Variants in PRKCB observed in about 807,000 individuals in gnomAD.
PRKCB encodes the protein protein kinase C beta type.
PRKCB carries 13 observed loss-of-function variants against 81.5 expected under a neutral mutation model. That is an observed-to-expected ratio of 0.16 (90% CI 0.10 to 0.25). The LOEUF (loss-of-function observed/expected upper bound fraction) is 0.25, where lower values mean the gene tolerates loss of function less well. Among genes scored for constraint, PRKCB ranks in the 10% least tolerant of loss-of-function variants. PRKCB has a pLI of 1.00. For synonymous variants in PRKCB, 335 were observed against 321.4 expected, an observed-to-expected ratio of 1.04 and a Z score of -0.45; for missense variants, 509 against 875.7, an observed-to-expected ratio of 0.58 and a Z score of 5.29.
chr16:24,002,867 TGA>T (rs1965057795), intron 3 of PRKCB, among the ~76,000 whole-genome samples: 1 of 152,168 alleles, frequency 6.6e-6, no homozygotes, highest in Admixed American at 6.5e-5. Flanking sequence ...CTGCTTTCTC[TGA>T]GAGACTAAGC....
intron 2 of PRKCB, among the ~76,000 whole-genome samples, chr16:23,864,349 T>G (rs1282996242): frequency 6.6e-6 from 1 of 152,130 alleles, no homozygotes; most frequent in Non-Finnish European, 1.5e-5. Context: ...CCCAGTCTTT[T>G]GGGAAGCTGA....
At chr16:24,105,742 T>C (rs1298294829) in intron 7 of PRKCB, among the ~76,000 whole-genome samples, 3 of 150,144 alleles carry the variant, frequency 2.0e-5, no homozygotes, top group Admixed American at 6.6e-5. Flanking sequence ...TTCCATGGTG[T>C]ATATATGCCA....
At chr16:23,975,863 C>T (rs1456591641) in intron 2 of PRKCB, among the ~76,000 whole-genome samples, 1 of 151,636 alleles carries the variant, frequency 6.6e-6, no homozygotes, top group African/African-American at 2.4e-5. Flanking sequence ...TCACAAGAGA[C>T]AAAAAAAACA....
intron 2 of PRKCB, among the ~76,000 whole-genome samples, chr16:23,863,255 T>TATAC (rs71381622): frequency 1.5e-5 from 2 of 132,826 alleles, no homozygotes; most frequent in Non-Finnish European, 3.2e-5. Flanking sequence ...TATATACACA[T>TATAC]ACACACACAC....
At chr16:24,001,333 G>T (rs1965031845) in intron 3 of PRKCB, among the ~76,000 whole-genome samples, 1 of 152,108 alleles carries the variant, frequency 6.6e-6, no homozygotes, top group African/African-American at 2.4e-5. Flanking sequence ...TAGGTCCTGT[G>T]ATCTCCTAAT....
At chr16:24,069,014 TATA>T (rs1270092328) in intron 5 of PRKCB, among the ~76,000 whole-genome samples, 1 of 152,218 alleles carries the variant, frequency 6.6e-6, no homozygotes, top group South Asian at 2.1e-4. Flanking sequence ...TCTATTAATT[TATA>T]ATGATTGTAA....
intron 10 of PRKCB, among the ~76,000 whole-genome samples, chr16:24,159,581 C>T (rs1480479359): frequency 7.0e-6 from 1 of 143,516 alleles, no homozygotes; most frequent in Admixed American, 6.7e-5. Context: ...CACTGTCACA[C>T]AGCTGCTAAG....
chr16:24,219,086 C>G lies in PRKCB; in HGVS notation c.*4270C>G. ...TGCAAGGACCCTGAAGAGGTCGGAG[C>G]ATCATACAGATTCCTTTATTAGCCC... On this transcript the variant is annotated 3_prime_UTR_variant, in exon 17 of 17. Coordinates refer to ENST00000643927, the MANE Select transcript of PRKCB (RefSeq NM_002738.7). 1 of 985,404 alleles carries G rather than the reference C, an allele frequency of 1.0e-6. No individual in the cohort carries two copies. Among genetic ancestry groups the G allele is most frequent in the Non-Finnish European group, 1.2e-6 (1 of 829,962 alleles). 61.0% of individuals were successfully genotyped at this position (985,404 alleles called of 1,614,324 possible). A position where few individuals can be genotyped will look rare whatever the true frequency, so the allele number is the denominator to read the frequency against.
intron 5 of PRKCB, among the ~76,000 whole-genome samples, chr16:24,069,442 T>A (rs1457496769): frequency 1.3e-5 from 2 of 152,014 alleles, no homozygotes; most frequent in Admixed American, 1.3e-4. Context: ...GTGTATAGAG[T>A]GCTTAAAACA....
intron 5 of PRKCB, among the ~76,000 whole-genome samples, chr16:24,066,859 GTTATT>G (rs1234377586): frequency 6.6e-6 from 1 of 152,132 alleles, no homozygotes; most frequent in Non-Finnish European, 1.5e-5. Flanking sequence ...GCTTTATTTA[GTTATT>G]TTGAGACAAG....
chr16:24,181,628 G>A (rs1389508154), intron 13 of PRKCB, among the ~76,000 whole-genome samples: 56 of 151,890 alleles, frequency 3.7e-4, no homozygotes, highest in Admixed American at 3.7e-3. Context: ...TTAGCCGGGT[G>A]TGGTGGCACA....
In PRKCB at chr16:24,180,781, C is replaced by A; in HGVS notation, c.1395-9C>A. The A allele has an allele frequency of 1.2e-6, 2 of 1,613,012 alleles. No individual in the cohort carries two copies. The highest frequency in any genetic ancestry group is 1.7e-6 in the Non-Finnish European group (2 of 1,179,376). On this transcript the variant is annotated splice_polypyrimidine_tract_variant and intron_variant, in intron 12 of 16. Coordinates refer to ENST00000643927, the MANE Select transcript of PRKCB (RefSeq NM_002738.7). ...TAATTAAATCTCTAAATTCTTGTGT[C>A]TGCCATAGTGACCTAAAACTTGACA... is the stretch of plus-strand genomic sequence containing the variant.
chr16:24,162,431 A>C (rs1039347255), intron 10 of PRKCB, among the ~76,000 whole-genome samples: 16 of 150,948 alleles, frequency 1.1e-4, no homozygotes, highest in African/African-American at 3.9e-4. Flanking sequence ...GCTCCAAAAA[A>C]ACAGAGAAGA....
At chr16:24,053,541 A>G (rs1342515759) in intron 5 of PRKCB, among the ~76,000 whole-genome samples, 2 of 152,210 alleles carry the variant, frequency 1.3e-5, no homozygotes, top group Non-Finnish European at 2.9e-5. Context: ...TAAGTAAAAT[A>G]CGAACAGTAA....
In PRKCB at chr16:24,154,782, G is replaced by C. The variant is rs1398645091; in HGVS notation, c.1164G>C (p.Met388Ile). Residue 388 changes from methionine to isoleucine, a missense_variant, in exon 10 of 17, where the codon ATG becomes ATC. Coordinates refer to ENST00000643927, the MANE Select transcript of PRKCB (RefSeq NM_002738.7). ...AAGATGATGACGTGGAGTGCACTAT[G>C]GTGGAGAAGCGGGTGTTGGCCCTGC... ...VIQDDDVECT[M>I]VEKRVLALPG... The C allele has an allele frequency of 1.2e-6, 2 of 1,614,084 alleles. No individual in the cohort carries two copies. The highest frequency in any genetic ancestry group is 1.7e-5 in the Admixed American group (1 of 60,002).
chr16:23,896,915 TC>T (rs1262351764), intron 2 of PRKCB, among the ~76,000 whole-genome samples: 4 of 150,686 alleles, frequency 2.7e-5, no homozygotes, highest in African/African-American at 9.9e-5. Context: ...CATCCATCCA[TC>T]CATCCATCCA....
intron 16 of PRKCB, among the ~76,000 whole-genome samples, chr16:24,207,692 G>A (rs995176220): frequency 2.6e-5 from 4 of 152,064 alleles, no homozygotes; most frequent in Non-Finnish European, 4.4e-5. Context: ...TTCCTCTGAC[G>A]ATTCTTTGAT....
chr16:23,982,254 CCCCTT>C (rs1418899817), intron 2 of PRKCB, among the ~76,000 whole-genome samples: 8 of 55,510 alleles, frequency 1.4e-4, no homozygotes, highest in African/African-American at 5.6e-4. Context: ...CCCTTCCCTT[CCCCTT>C]CCCTTCCCTT....
At chr16:24,022,555 G>C (rs537309607) in intron 3 of PRKCB, among the ~76,000 whole-genome samples, 2 of 151,984 alleles carry the variant, frequency 1.3e-5, no homozygotes, top group Admixed American at 1.3e-4. Flanking sequence ...GCAGTGGTGC[G>C]ATCTCAGCTC....
Sources: allele counts gnomAD v4.1 joint callset (sites outside exome capture counted in the v4.1 genomes callset), GRCh38; gene constraint gnomAD v4.1.1; transcripts MANE v1.5; gene names NCBI Gene and HGNC (gene_info 2026-07-23, HGNC 2026-07-21).